The following NRG1 variants were observed in gnomAD, a reference collection of about 807,000 sequenced individuals.
NRG1 encodes pro-neuregulin-1, membrane-bound isoform.
In NRG1, 18 loss-of-function variants were observed where a neutral mutation model predicts 63.8. That is an observed-to-expected ratio of 0.28 (90% confidence interval 0.19 to 0.42). NRG1 has a LOEUF of 0.42. Ranked by LOEUF, NRG1 falls within the 10% of genes least tolerant of loss-of-function variation. The pLI, the probability that NRG1 is intolerant of heterozygous loss-of-function variation, is 1.00. For synonymous variants in NRG1, 302 were observed against 301.3 expected (o/e 1.00, Z -0.02); for missense variants, 762 against 814.7 (o/e 0.94, Z 0.79).
At chr8:32,630,617 A>G (rs1050149241) in intron 5 of NRG1, among the ~76,000 whole-genome samples, 3 of 152,156 alleles carry the variant, frequency 2.0e-5, no homozygotes, top group Non-Finnish European at 4.4e-5. Context: ...GACTGCAACC[A>G]TAGCTTTTAG....
At chr8:32,168,357 G>T (rs969596400) in intron 1 of NRG1, among the ~76,000 whole-genome samples, 1 of 152,178 alleles carries the variant, frequency 6.6e-6, no homozygotes, top group South Asian at 2.1e-4. Flanking sequence ...GTGCTTTGCT[G>T]CCTGGTGCCT....
chr8:31,870,746 A>T (rs991650377), intron 1 of NRG1, among the ~76,000 whole-genome samples: 6 of 151,688 alleles, frequency 4.0e-5, no homozygotes, highest in South Asian at 4.1e-4. Context: ...TTATTTATTT[A>T]TTTTTTTTAG....
At chr8:32,114,088 CT>C (rs1160639966) in intron 1 of NRG1, among the ~76,000 whole-genome samples, 2 of 152,220 alleles carry the variant, frequency 1.3e-5, no homozygotes, top group Non-Finnish European at 2.9e-5. Context: ...GTTGGGCCAA[CT>C]TGTACTAAAA....
At chr8:32,290,925 G>A (rs1333539907) in intron 1 of NRG1, among the ~76,000 whole-genome samples, 3 of 152,036 alleles carry the variant, frequency 2.0e-5, no homozygotes, top group South Asian at 2.1e-4. Context: ...GTGTGTGTGT[G>A]TGCATGCATT....
chr8:32,458,526 G>T (rs1359981260), intron 1 of NRG1, among the ~76,000 whole-genome samples: 1 of 152,108 alleles, frequency 6.6e-6, no homozygotes, highest in Non-Finnish European at 1.5e-5. Context: ...GAGAACTGAA[G>T]TCTACCACAA....
At chr8:32,249,906 G>A (rs1015765546) in intron 1 of NRG1, among the ~76,000 whole-genome samples, 1 of 152,046 alleles carries the variant, frequency 6.6e-6, no homozygotes, top group Non-Finnish European at 1.5e-5. Flanking sequence ...AAGGAAGGGG[G>A]TCTGGGGTTC....
At chr8:32,494,774 A>G (rs1280495281) in intron 1 of NRG1, among the ~76,000 whole-genome samples, 2 of 152,224 alleles carry the variant, frequency 1.3e-5, no homozygotes, top group African/African-American at 2.4e-5. Flanking sequence ...TGGGAAATTA[A>G]TGAATCATCC....
chr8:32,025,709 A>C (rs1285891957), intron 1 of NRG1, among the ~76,000 whole-genome samples: 1 of 151,968 alleles, frequency 6.6e-6, no homozygotes, highest in Non-Finnish European at 1.5e-5. Context: ...GCACTCTGGG[A>C]GGCCGAGGCG....
intron 1 of NRG1, among the ~76,000 whole-genome samples, chr8:32,213,145 A>G (rs1033250900): frequency 2.6e-5 from 4 of 152,206 alleles, no homozygotes; most frequent in African/African-American, 7.2e-5. Flanking sequence ...TCATTCTATT[A>G]CAAAGATACA....
intron 1 of NRG1, among the ~76,000 whole-genome samples, chr8:32,526,015 C>T (rs1178526632): frequency 2.0e-5 from 3 of 152,150 alleles, no homozygotes; most frequent in Non-Finnish European, 4.4e-5. Flanking sequence ...AAAAGGCGTA[C>T]TAGTTACCTA....
chr8:32,035,310 T>G (rs1165784190), intron 1 of NRG1, among the ~76,000 whole-genome samples: 1 of 152,138 alleles, frequency 6.6e-6, no homozygotes, highest in African/African-American at 2.4e-5. Flanking sequence ...AGAGACTGTT[T>G]GTTGTTATTT....
intron 1 of NRG1, among the ~76,000 whole-genome samples, chr8:32,071,628 G>A (rs887315127): frequency 6.6e-6 from 1 of 152,214 alleles, no homozygotes; most frequent in Admixed American, 6.5e-5. Flanking sequence ...GGAAATGTGG[G>A]CAGTGGGATG....
intron 1 of NRG1, among the ~76,000 whole-genome samples, chr8:32,558,226 T>C (rs1835573014): frequency 6.6e-6 from 1 of 152,170 alleles, no homozygotes; most frequent in South Asian, 2.1e-4. Flanking sequence ...AGCCTCTACA[T>C]TGGACTGTGC....
chr8:32,464,765 C>T (rs190295011), intron 1 of NRG1, among the ~76,000 whole-genome samples: 1 of 151,740 alleles, frequency 6.6e-6, no homozygotes, highest in Admixed American at 6.6e-5. Flanking sequence ...ATTCTAGAAA[C>T]TTGGGGATTT....
intron 1 of NRG1, among the ~76,000 whole-genome samples, chr8:32,152,532 T>G (rs1563844925): frequency 1.3e-5 from 2 of 152,238 alleles, no homozygotes; most frequent in Admixed American, 1.3e-4. Flanking sequence ...TAACTTCCTA[T>G]GACATACTTT....
At chr8:32,257,084 T>C (rs1849809456) in intron 1 of NRG1, among the ~76,000 whole-genome samples, 1 of 152,110 alleles carries the variant, frequency 6.6e-6, no homozygotes, top group Non-Finnish European at 1.5e-5. Context: ...ATTTACACTG[T>C]GAGGGGAAAA....
chr8:32,233,563 AT>A lies in NRG1; in HGVS notation c.38-362250del, dbSNP rs1554660617. ...TATATATATATATATATATATATAT[AT>A]TTTTTTTTTTTTTTCTTTTGAAACG... On this transcript the variant is annotated intron_variant, in intron 1 of 10. Coordinates refer to the NRG1 transcript ENST00000519301. 5.5e-3 allele frequency among the ~76,000 whole-genome samples: 373 copies of A among 67,214 alleles called. 5 individuals are homozygous for A. Among genetic ancestry groups the A allele is most frequent in the East Asian group, 0.045 (115 of 2,542 alleles). The allele number at this position is 67,214 out of a possible 152,430, so 44.1% of individuals were successfully genotyped here.
In NRG1 at chr8:31,720,364, G is replaced by A. The variant is rs181405086; in HGVS notation, c.37+80933G>A. Among the ~76,000 whole-genome samples the A allele has an allele frequency of 3.3e-3, 499 of 152,216 alleles. 3 individuals are homozygous for A. The highest frequency in any genetic ancestry group is 5.9e-3 in the Non-Finnish European group (400 of 68,016). ...GTTCTGGGGTACATGTGCAGGATGT[G>A]CAGGTTTGTTACATACGTAAACATG... On this transcript the variant is annotated intron_variant, in intron 1 of 10. Transcript: ENST00000519301.
chr8:32,246,501 G>C (rs1396034611), intron 1 of NRG1, among the ~76,000 whole-genome samples: 1 of 152,146 alleles, frequency 6.6e-6, no homozygotes, highest in African/African-American at 2.4e-5. Flanking sequence ...AAAGTACCTG[G>C]CATAGAGCTT....
Sources: gnomAD v4.1 joint callset for allele counts (sites outside exome capture counted in the v4.1 genomes callset) on GRCh38, gnomAD v4.1.1 for gene constraint, MANE v1.5 for transcripts, NCBI Gene and HGNC (gene_info 2026-07-23, HGNC 2026-07-21) for gene names.